The following TBC1D4 variants were observed in gnomAD, a reference collection of about 807,000 sequenced individuals.
The protein encoded by TBC1D4 is TBC (Tre-2, BUB2, CDC16) domain-containing protein.
TBC1D4 carries 121 observed loss-of-function variants against 142.5 expected under a neutral mutation model. The ratio of observed to expected loss-of-function variants is 0.85; its 90% CI spans 0.73 to 0.99. The LOEUF is 0.99. Among genes scored for constraint, TBC1D4 ranks in the 50% least tolerant of loss-of-function variants. The pLI is 0.00. For synonymous variants in TBC1D4, 630 were observed against 628.2 expected, an observed-to-expected ratio of 1.00 and a Z score of -0.04; for missense variants, 1,475 against 1,606.6, an observed-to-expected ratio of 0.92 and a Z score of 1.40.
intron 1 of TBC1D4, among the ~76,000 whole-genome samples, chr13:75,432,662 G>C (rs958551081): frequency 2.6e-5 from 4 of 152,066 alleles, no homozygotes; most frequent in African/African-American, 9.7e-5. Context: ...TACAAGTAAA[G>C]ACATAGAAGA....
intron 1 of TBC1D4, among the ~76,000 whole-genome samples, chr13:75,459,886 T>C (rs1041142065): frequency 5.9e-5 from 9 of 152,318 alleles, no homozygotes; most frequent in Admixed American, 4.6e-4. Flanking sequence ...CTCACGCCTG[T>C]AATCCCAGCA....
chr13:75,349,814 G>A (rs1240576067), intron 4 of TBC1D4, among the ~76,000 whole-genome samples: 1 of 152,084 alleles, frequency 6.6e-6, no homozygotes, highest in Non-Finnish European at 1.5e-5. Flanking sequence ...ACAATGGTGG[G>A]GAAAGTCTGT....
rs1383367208 is a variant in TBC1D4 at position 75,303,099 on chromosome 13, C to T, written c.2753-698G>A. 2.0e-5 allele frequency among the ~76,000 whole-genome samples: 3 copies of T among 152,184 alleles called. No homozygotes were observed. In the South Asian group the frequency reaches 6.2e-4, roughly 32 times the overall value. On this transcript the variant is annotated intron_variant, in intron 15 of 20. Coordinates refer to ENST00000377636, the MANE Select transcript of TBC1D4 (RefSeq NM_014832.5). ...TTGGGAGGCCAAGGTGGGTGGGTCA[C>T]TTGAGGTCAGGTGTTCATTACCGGC... is the stretch of plus-strand genomic sequence containing the variant.
At chr13:75,325,349 G>T (rs1879135399) in intron 10 of TBC1D4, among the ~76,000 whole-genome samples, 1 of 150,894 alleles carries the variant, frequency 6.6e-6, no homozygotes, top group South Asian at 2.1e-4. Context: ...ATCCTTAGAA[G>T]AAATGCAGGC....
At chr13:75,437,426 CAT>C (rs560056987) in intron 1 of TBC1D4, among the ~76,000 whole-genome samples, 117 of 152,214 alleles carry the variant, frequency 7.7e-4, no homozygotes, top group Non-Finnish European at 9.9e-4. Flanking sequence ...ATGAATGTAA[CAT>C]GTGAGTCAAG....
intron 1 of TBC1D4, among the ~76,000 whole-genome samples, chr13:75,381,395 T>A (rs1883839196): frequency 6.6e-6 from 1 of 152,214 alleles, no homozygotes; most frequent in East Asian, 1.9e-4. Context: ...GGATTTCTAA[T>A]TTTAAACAAA....
chr13:75,440,747 T>C (rs2138196799), intron 1 of TBC1D4, among the ~76,000 whole-genome samples: 1 of 150,950 alleles, frequency 6.6e-6, no homozygotes, highest in East Asian at 2.0e-4. Flanking sequence ...TTCTTTTTTT[T>C]TTTTTGTAGA....
intron 1 of TBC1D4, among the ~76,000 whole-genome samples, chr13:75,427,066 G>C (rs1886403358): frequency 6.6e-6 from 1 of 151,726 alleles, no homozygotes; most frequent in Admixed American, 6.6e-5. Context: ...AAACAAAAAA[G>C]GAATGAATAC....
intron 1 of TBC1D4, among the ~76,000 whole-genome samples, chr13:75,454,164 G>A (rs1887639269): frequency 6.6e-6 from 1 of 152,002 alleles, no homozygotes; most frequent in African/African-American, 2.4e-5. Context: ...TGGGACTACA[G>A]GTGTGCCACC....
chr13:75,364,386 G>T (rs1271636417), intron 1 of TBC1D4, among the ~76,000 whole-genome samples: 1 of 152,178 alleles, frequency 6.6e-6, no homozygotes, highest in Non-Finnish European at 1.5e-5. Flanking sequence ...GGGATATACT[G>T]CTAGAACATT....
intron 5 of TBC1D4, among the ~76,000 whole-genome samples, chr13:75,344,488 C>A (rs960905343): frequency 6.6e-6 from 1 of 151,996 alleles, no homozygotes; most frequent in South Asian, 2.1e-4. Flanking sequence ...CACTGACTGG[C>A]GAATTACTGA....
At chr13:75,405,941 T>C (rs1191829952) in intron 1 of TBC1D4, among the ~76,000 whole-genome samples, 1 of 152,250 alleles carries the variant, frequency 6.6e-6, no homozygotes, top group African/African-American at 2.4e-5. Context: ...TGTTCCTTTT[T>C]AAATTGAAGT....
intron 1 of TBC1D4, among the ~76,000 whole-genome samples, chr13:75,366,470 T>C (rs1233480873): frequency 1.3e-5 from 2 of 152,134 alleles, no homozygotes; most frequent in Admixed American, 1.3e-4. Context: ...ACCTTTATGA[T>C]TAAACCTGAA....
chr13:75,347,192 T>G (rs1215503979), intron 5 of TBC1D4, among the ~76,000 whole-genome samples: 1 of 152,238 alleles, frequency 6.6e-6, no homozygotes, highest in Non-Finnish European at 1.5e-5. Flanking sequence ...TCTCCAACAG[T>G]TAATCTGATG....
At chr13:75,359,963 A>G in intron 2 of TBC1D4, 105 bp from the exon 3 acceptor site, 1 of 903,982 alleles carries the variant, frequency 1.1e-6, no homozygotes, top group South Asian at 1.4e-5. Flanking sequence ...GCAATATCCC[A>G]GATATATGTA....
chr13:75,424,410 T>C (rs955870326), intron 1 of TBC1D4, among the ~76,000 whole-genome samples: 2 of 152,154 alleles, frequency 1.3e-5, no homozygotes, highest in African/African-American at 4.8e-5. Context: ...AAATCATTTT[T>C]GATAATATTG....
At chr13:75,303,116 A>G (rs559237) in intron 15 of TBC1D4, among the ~76,000 whole-genome samples, 102,312 of 152,020 alleles carry the variant, frequency 0.67, 35,025 homozygotes, top group African/African-American at 0.76. Flanking sequence ...TCAGGTGTTC[A>G]TTACCGGCCT....
intron 1 of TBC1D4, among the ~76,000 whole-genome samples, chr13:75,445,602 C>T (rs1411732314): frequency 6.6e-6 from 1 of 152,096 alleles, no homozygotes; most frequent in East Asian, 1.9e-4. Flanking sequence ...TAAAATGTAG[C>T]AGTGGTAATA....
chr13:75,445,963 A>C (rs1052998159), intron 1 of TBC1D4, among the ~76,000 whole-genome samples: 1 of 152,236 alleles, frequency 6.6e-6, no homozygotes, highest in Non-Finnish European at 1.5e-5. Context: ...TATTCTCTGA[A>C]AGACATCTTT....
Sources: allele counts gnomAD v4.1 joint callset (sites outside exome capture counted in the v4.1 genomes callset), GRCh38; gene constraint gnomAD v4.1.1; transcripts MANE v1.5; gene names NCBI Gene and HGNC (gene_info 2026-07-23, HGNC 2026-07-21).